Variants in MSL3 observed in about 807,000 individuals in gnomAD.
The protein encoded by MSL3 is MSL complex subunit 3, also known as MSL3-like 1.
MSL3 carries 5 observed loss-of-function variants against 37.2 expected under a neutral mutation model. The observed-to-expected ratio is 0.13, with a 90% CI of 0.07 to 0.28. MSL3 has a LOEUF of 0.28. Among genes scored for constraint, MSL3 ranks in the 10% least tolerant of loss-of-function variants. The pLI is 1.00. For synonymous variants in MSL3, 149 were observed against 147.6 expected, an observed-to-expected ratio of 1.01 and a Z score of -0.07; for missense variants, 315 against 408.5, an observed-to-expected ratio of 0.77 and a Z score of 1.97.
intron 10 of MSL3, chrX:11,769,001 G>A (rs2053209896): frequency 5.7e-6 from 1 of 175,654 alleles, no homozygotes; most frequent in Non-Finnish European, 1.1e-5. Context: ...TGGGCCATAT[G>A]GTGTCTGTCA....
intron 9 of MSL3, chrX:11,767,678 A>T (rs2053196967): frequency 7.8e-6 from 1 of 127,735 alleles, no homozygotes; most frequent in African/African-American, 3.2e-5. Flanking sequence ...GTTGGGCAAA[A>T]TTAAAGAGTT....
In MSL3 at chrX:11,774,878, A is replaced by T. The variant is rs1049538421; in HGVS notation, c.1467-102A>T. ...TTATAGTCATTTTTTTCTTCCTAAT[A>T]CCAAAAAACAGTTGAAATGTTAGTA... On this transcript the variant is annotated intron_variant, in intron 12 of 12. Transcript: ENST00000312196. 3 of 572,814 alleles carry T rather than the reference A, an allele frequency of 5.2e-6. No homozygotes were observed. The African/African-American group carries it at 6.9e-5, about 13-fold the overall frequency. The allele number at this position is 572,814 out of a possible 1,213,427, so 47.2% of individuals were successfully genotyped here.
chrX:11,760,988 T>C (rs2053127163), intron 4 of MSL3, 51 bp downstream of exon 4: 1 of 883,642 alleles, frequency 1.1e-6, no homozygotes, highest in Middle Eastern at 2.8e-4. Context: ...CCACCTAGAC[T>C]GAGAGAAGGA....
rs770784848 is a variant in MSL3, at chrX:11,758,275, C to A, written c.12C>A (p.Ser4Arg). ...GCCACGATGAGCAAATGAGCGCGAGCGAGGGCATGAAATTTAAATTCCACT... is the reference window on the plus strand; with the variant it reads ...GCCACGATGAGCAAATGAGCGCGAGAGAGGGCATGAAATTTAAATTCCACT... MSA[S>R]EGMKFKFHSG... The change falls in exon 1 of 13, where the codon AGC becomes AGA. Residue 4 changes from serine to arginine, a missense_variant. Physicochemically the swap from Ser to Arg is moderately radical, Grantham distance 110 (BLOSUM62 -1). Transcript: ENST00000312196. 3.7e-6 allele frequency: 4 copies of A among 1,088,783 alleles called. No homozygotes were observed. The Admixed American group carries it at 8.2e-5, about 22-fold the overall frequency. 89.7% of individuals were successfully genotyped at this position (1,088,783 alleles called of 1,213,427 possible).
intron 6 of MSL3, 92 bp from the exon 7 acceptor site, chrX:11,762,744 TA>T: frequency 1.1e-6 from 1 of 890,709 alleles, no homozygotes; most frequent in Admixed American, 3.4e-5. Context: ...ATTTTTGAGT[TA>T]AAAAATGATA....
At chrX:11,766,062 A>C in intron 9 of MSL3, 1 of 943,952 alleles carries the variant, frequency 1.1e-6, no homozygotes, top group Non-Finnish European at 1.3e-6. Flanking sequence ...GAGCAATGCT[A>C]ATGGGTTGTT....
At chrX:11,759,899 C>A in intron 2 of MSL3, 24 bp downstream of exon 2, 2 of 1,202,098 alleles carry the variant, frequency 1.7e-6, no homozygotes, top group South Asian at 3.6e-5. Context: ...TTAAACCAGA[C>A]TGAAAATTGA....
At chrX:11,759,331 T>G (rs1457836182) in intron 1 of MSL3, among the ~76,000 whole-genome samples, 2 of 110,537 alleles carry the variant, frequency 1.8e-5, no homozygotes, top group Non-Finnish European at 3.8e-5. Flanking sequence ...CTCCTCGCCC[T>G]CCAGCCTCCT....
chrX:11,758,181 A>C, upstream of MSL3: 7 of 129,972 alleles, frequency 5.4e-5, no homozygotes, highest in Non-Finnish European at 7.2e-5. Flanking sequence ...GCCACGGCGC[A>C]CCGCCTCCCC....
At position 11,759,923 on chromosome X, in the gene MSL3, A is replaced by G. The variant is rs750376435; in HGVS notation, c.185+48A>G. 9 of 1,174,881 alleles carry G rather than the reference A, an allele frequency of 7.7e-6. No individual in the cohort carries two copies. The Admixed American group carries it at 1.4e-4, about 18-fold the overall frequency. On this transcript the variant is annotated intron_variant, in intron 2 of 12. Transcript: ENST00000312196. Reference sequence around the variant, plus strand: ...ACTGAAAATTGATTGTCTTTGCTGCATAGAAACATTGCAGACTTAAGTTTC... The same window carrying G: ...ACTGAAAATTGATTGTCTTTGCTGCGTAGAAACATTGCAGACTTAAGTTTC...
chrX:11,773,323 C>T (rs1357194204), intron 12 of MSL3, among the ~76,000 whole-genome samples: 1 of 111,675 alleles, frequency 9.0e-6, no homozygotes, highest in East Asian at 2.8e-4. Context: ...CTCTCCTTGG[C>T]CTTCAAGGCT....
At chrX:11,759,015 C>A (rs764792266) in intron 1 of MSL3, among the ~76,000 whole-genome samples, 26 of 112,223 alleles carry the variant, frequency 2.3e-4, no homozygotes, top group Admixed American at 2.2e-3. Context: ...CCTAAGTCTC[C>A]GGGAGCTGAG....
intron 4 of MSL3, 25 bp downstream of exon 4, chrX:11,760,962 T>A: frequency 1.1e-5 from 12 of 1,089,283 alleles, no homozygotes; most frequent in Non-Finnish European, 1.4e-5. Context: ...TTCATTTCTT[T>A]TGGCTGAAAG....
rs772930018 is a variant in MSL3, at chrX:11,760,903, C to T, written c.348C>T (p.Leu116=). The T allele has an allele frequency of 5.0e-6, 6 of 1,198,875 alleles. No homozygotes were observed. The East Asian group carries it at 1.8e-4, about 36-fold the overall frequency. The change falls in exon 4 of 13, where the codon CTC becomes CTT. Residue 116 remains leucine, a synonymous_variant. Transcript: ENST00000312196. ...GTGTGGACTCTGTCTTAAAAGGCCT[C>T]CCCACTGAAGAAAAAGATGAAAATG... ...LPGVDSVLKG[L]PTEEKDENDE...
In MSL3 at chrX:11,760,916, A is replaced by G; in HGVS notation, c.361A>G (p.Lys121Glu). 1 of 1,194,343 alleles carries G rather than the reference A, an allele frequency of 8.4e-7. No individual in the cohort carries two copies. Among genetic ancestry groups the G allele is most frequent in the Non-Finnish European group, 1.1e-6 (1 of 884,954 alleles). ...CTTAAAAGGCCTCCCCACTGAAGAA[A>G]AAGATGAAAATGATGAAAACTGTGA... is the stretch of plus-strand genomic sequence containing the variant. ...SVLKGLPTEE[K>E]DENDENSLSS... Residue 121 changes from lysine to glutamate, a missense_variant, in exon 4 of 13, where the codon AAA (lysine) becomes GAA (glutamate). By Grantham distance (56) the Lys-to-Glu change is moderately conservative (BLOSUM62 1). Transcript: ENST00000312196.
rs371619058 is a variant in MSL3 at position 11,759,350 on chromosome X, A to AGG, written c.103-434_103-433dup. Among the ~76,000 whole-genome samples, 341 of 102,451 alleles carry AGG rather than the reference A, an allele frequency of 3.3e-3. 2 individuals are homozygous for AGG. Among genetic ancestry groups the AGG allele is most frequent in the African/African-American group, 0.011 (314 of 28,349 alleles). 89.0% of individuals were successfully genotyped at this position (102,451 alleles called of 115,157 possible). ...TCGCCCTCCAGCCTCCTCGGGGCGG[A>AGG]GGGGGGGGGGCACGCCCCATCATTA... On this transcript the variant is annotated intron_variant, in intron 1 of 12. Coordinates refer to ENST00000312196, the MANE Select transcript of MSL3 (RefSeq NM_078629.4).
In MSL3 at chrX:11,765,676, GGCA is replaced by G; in HGVS notation, c.1123_1125del (p.Gln375del). The G allele has an allele frequency of 8.3e-7, 1 of 1,212,096 alleles. No individual in the cohort carries two copies. The highest frequency in any genetic ancestry group is 1.1e-6 in the Non-Finnish European group (1 of 895,525). ...AGCGCTTCACCTCAGCCCAAGCGCC[GGCA>G]GCAGGACACATCCGCCAGCATGCCC... On this transcript the variant is annotated inframe_deletion, in exon 9 of 13. Transcript: ENST00000312196.
At position 11,759,786 on chromosome X, in the gene MSL3, G is replaced by A; in HGVS notation, c.103-7G>A. The A allele has an allele frequency of 4.1e-6, 5 of 1,210,317 alleles. No homozygotes were observed. Among genetic ancestry groups the A allele is most frequent in the South Asian group, 1.8e-5 (1 of 56,804 alleles). ...TGCCATTTGTGGGAAATATTTCTTC[G>A]TTTCAGATTGTTGATGTTATTGTTG... On this transcript the variant is annotated splice_region_variant and splice_polypyrimidine_tract_variant and intron_variant, in intron 1 of 12. Transcript: ENST00000312196.
intron 1 of MSL3, among the ~76,000 whole-genome samples, chrX:11,759,355 G>A (rs928709883): frequency 1.8e-5 from 2 of 111,874 alleles, no homozygotes; most frequent in African/African-American, 6.5e-5. Context: ...GGCGGAGGGG[G>A]GGGGGCACGC....
Sources: allele counts gnomAD v4.1 joint callset (sites outside exome capture counted in the v4.1 genomes callset), GRCh38; gene constraint gnomAD v4.1.1; transcripts MANE v1.5; gene names NCBI Gene and HGNC (gene_info 2026-07-23, HGNC 2026-07-21).